The following KIF5A variants were observed in gnomAD, a reference collection of about 807,000 sequenced individuals.
KIF5A encodes kinesin heavy chain isoform 5A.
KIF5A carries 35 observed loss-of-function variants against 141.3 expected under a neutral mutation model. The ratio of observed to expected loss-of-function variants is 0.25; its 90% confidence interval spans 0.19 to 0.33. The LOEUF is 0.33. Among genes scored for constraint, KIF5A ranks in the 10% least tolerant of loss-of-function variants. The pLI is 1.00. For missense variants in KIF5A, 861 were observed against 1,314.3 expected, an observed-to-expected ratio of 0.66 and a Z score of 5.33; for synonymous variants, 448 against 500.2, an observed-to-expected ratio of 0.90 and a Z score of 1.39.
intron 16 of KIF5A, 144 bp downstream of exon 16, chr12:57,575,416 G>C (rs1458545460): frequency 1.9e-6 from 2 of 1,062,952 alleles, no homozygotes; most frequent in Admixed American, 2.0e-5. Context: ...GGGGTGGCAG[G>C]GGTGCAGATC....
intron 22 of KIF5A, 56 bp downstream of exon 22, chr12:57,578,136 T>C: frequency 1.3e-6 from 2 of 1,587,606 alleles, no homozygotes. Flanking sequence ...TATCCTTAGG[T>C]TTCTCCTGCC....
chr12:57,577,537 A>T (rs1430451237), intron 20 of KIF5A, among the ~76,000 whole-genome samples, 176 bp from the exon 21 acceptor site: 1 of 152,196 alleles, frequency 6.6e-6, no homozygotes, highest in Non-Finnish European at 1.5e-5. Flanking sequence ...TTGAGGCTGC[A>T]GTGAGCCCTG....
rs542928732 is a variant in KIF5A at position 57,573,567 on chromosome 12, C to T, written c.1716+841C>T. On this transcript the variant is annotated intron_variant, in intron 15 of 28. Coordinates refer to ENST00000455537, the MANE Select transcript of KIF5A (RefSeq NM_004984.4). ...AAAAGAGGCTGTACATGGTGGCTCA[C>T]GCCTGTAATCCCAGCACTTTGGGAG... Among the ~76,000 whole-genome samples the T allele has an allele frequency of 1.4e-3, 208 of 150,964 alleles. 1 individual carries two copies. The highest frequency in any genetic ancestry group is 2.3e-3 in the Non-Finnish European group (153 of 67,854).
chr12:57,556,200 G>A (rs551770092), intron 1 of KIF5A, among the ~76,000 whole-genome samples: 54 of 151,090 alleles, frequency 3.6e-4, no homozygotes, highest in African/African-American at 1.3e-3. Context: ...GTGCAGTGGC[G>A]CGATCTCGGC....
intron 1 of KIF5A, among the ~76,000 whole-genome samples, chr12:57,551,309 T>C (rs1881565953): frequency 6.6e-6 from 1 of 152,238 alleles, no homozygotes; most frequent in African/African-American, 2.4e-5. Flanking sequence ...ATTTCCATTT[T>C]ACAGATGCAG....
chr12:57,571,979 G>T, intron 13 of KIF5A, 82 bp from the exon 14 acceptor site: 1 of 1,151,378 alleles, frequency 8.7e-7, no homozygotes, highest in Non-Finnish European at 1.3e-6. Context: ...GGGTAGGGTG[G>T]GGGCTCAGCT....
In KIF5A at chr12:57,569,242, C is replaced by T; in HGVS notation, c.820-14C>T. ...TTTGTTTATTTCTGATTCCTGGTCTCCTTCCTCCCCCAGAAAAGCTATGTT... is the reference window on the plus strand; with the variant it reads ...TTTGTTTATTTCTGATTCCTGGTCTTCTTCCTCCCCCAGAAAAGCTATGTT... On this transcript the variant is annotated splice_polypyrimidine_tract_variant and intron_variant, in intron 9 of 28. Coordinates refer to ENST00000455537, the MANE Select transcript of KIF5A (RefSeq NM_004984.4). 6.2e-7 allele frequency: 1 copy of T among 1,613,718 alleles called. No homozygotes were observed. Among genetic ancestry groups the T allele is most frequent in the Non-Finnish European group, 8.5e-7 (1 of 1,179,808 alleles).
chr12:57,559,514 T>A (rs1881847715), intron 1 of KIF5A, among the ~76,000 whole-genome samples: 1 of 152,188 alleles, frequency 6.6e-6, no homozygotes, highest in African/African-American at 2.4e-5. Context: ...CACTATAACA[T>A]CATTTTATGA....
chr12:57,583,298 TC>T, intron 28 of KIF5A, 83 bp downstream of exon 28: 1 of 768,070 alleles, frequency 1.3e-6, no homozygotes, highest in Non-Finnish European at 2.1e-6. Flanking sequence ...TGCTGCTGCT[TC>T]TTTTTTTTTT....
Position 57,586,232 on chromosome 12 carries a change from G to A in KIF5A, c.*2051G>A, listed in dbSNP as rs1294025901. On this transcript the variant is annotated 3_prime_UTR_variant, in exon 29 of 29. Transcript: ENST00000455537. ...TGTCAGCAGGGCACTTAAGAATCCA[G>A]GGGGTTTTATGTAATGTTGCCACCA... 1 of 152,144 alleles carries A rather than the reference G, an allele frequency of 6.6e-6. No homozygotes were observed. The highest frequency in any genetic ancestry group is 1.5e-5 in the Non-Finnish European group (1 of 68,040). 9.4% of individuals were successfully genotyped at this position (152,144 alleles called of 1,614,324 possible). A position where few individuals can be genotyped will look rare whatever the true frequency, so the allele number is the denominator to read the frequency against.
rs780736452 is a variant in KIF5A, at chr12:57,567,525, C to T, written c.621C>T (p.Ser207=). The T allele has an allele frequency of 1.2e-5, 19 of 1,613,396 alleles. No homozygotes were observed. The highest frequency in any genetic ancestry group is 4.2e-6 in the Non-Finnish European group (5 of 1,179,842). ...NMNEHSSRSH[S]IFLINIKQEN... ...ATGAACACAGCTCTCGGAGCCACAG[C>T]ATCTTCCTCATCAACATCAAGCAGG... The change falls in exon 8 of 29, where the codon AGC becomes AGT. Residue 207 remains serine, a synonymous_variant. Coordinates refer to ENST00000455537, the MANE Select transcript of KIF5A (RefSeq NM_004984.4).
chr12:57,553,360 A>G (rs1464238219), intron 1 of KIF5A, among the ~76,000 whole-genome samples: 5 of 152,186 alleles, frequency 3.3e-5, no homozygotes, highest in Non-Finnish European at 7.3e-5. Context: ...AACTAGGACC[A>G]TTGTGTACCT....
rs982180642 is a variant in KIF5A, at chr12:57,550,108, G to A, written c.-164G>A. The A allele has an allele frequency of 8.0e-6, 7 of 879,488 alleles. No individual in the cohort carries two copies. Among genetic ancestry groups the A allele is most frequent in the African/African-American group, 6.7e-5 (4 of 59,960 alleles). 54.5% of individuals were successfully genotyped at this position (879,488 alleles called of 1,614,324 possible). A position where few individuals can be genotyped will look rare whatever the true frequency, so the allele number is the denominator to read the frequency against. On this transcript the variant is annotated 5_prime_UTR_variant, in exon 1 of 29. Coordinates refer to ENST00000455537, the MANE Select transcript of KIF5A (RefSeq NM_004984.4). The surrounding 1 kb of genome is among the most constrained non-coding windows in gnomAD (Gnocchi z 4.6). ...CCCGCTGCCGCAGGAGAGAGACAGCGCGCCCCGGCCCTGCTCCCCAGGCTT... is the reference window on the plus strand; with the variant it reads ...CCCGCTGCCGCAGGAGAGAGACAGCACGCCCCGGCCCTGCTCCCCAGGCTT...
At chr12:57,575,891 G>A (rs769654960) in intron 17 of KIF5A, 134 bp downstream of exon 17, 22 of 904,300 alleles carry the variant, frequency 2.4e-5, no homozygotes, top group Non-Finnish European at 3.9e-5. Flanking sequence ...GTTAGCCAAG[G>A]TTTTGCATGT....
intron 8 of KIF5A, among the ~76,000 whole-genome samples, chr12:57,568,177 G>A (rs987410950): frequency 4.6e-5 from 7 of 151,874 alleles, no homozygotes; most frequent in African/African-American, 7.3e-5. Flanking sequence ...CACTGTGCCC[G>A]GCCGACTCTT....
At chr12:57,578,754 G>T (rs1708446006) in intron 23 of KIF5A, among the ~76,000 whole-genome samples, 1 of 152,158 alleles carries the variant, frequency 6.6e-6, no homozygotes, top group Admixed American at 6.5e-5. Flanking sequence ...TCTGTGGCAG[G>T]CATGCAGGGA....
At position 57,581,567 on chromosome 12, in the gene KIF5A, T is replaced by C; in HGVS notation, c.2908T>C (p.Tyr970His). 1 of 1,613,936 alleles carries C rather than the reference T, an allele frequency of 6.2e-7. No homozygotes were observed. The highest frequency in any genetic ancestry group is 8.5e-7 in the Non-Finnish European group (1 of 1,180,018). The change falls in exon 25 of 29, where the codon TAC (tyrosine) becomes CAC (histidine). Residue 970 changes from tyrosine (Y) to histidine (H), a missense_variant and splice_region_variant. By Grantham distance (83) the Tyr-to-His change is moderately conservative. Transcript: ENST00000455537. ...CACACCCAGCTCCACCTCAGATATG[T>C]AGTGAGTGACCACACGTGTGGGTTG... Reference protein sequence around the residue: ...QATPSSTSDMYFANSCTSSGA... With the variant: ...QATPSSTSDMHFANSCTSSGA...
chr12:57,554,408 A>T (rs912000526), intron 1 of KIF5A, among the ~76,000 whole-genome samples: 1 of 152,234 alleles, frequency 6.6e-6, no homozygotes, highest in African/African-American at 2.4e-5. Flanking sequence ...GTTAGATATT[A>T]TCACTATTTT....
At chr12:57,581,360 C>T in intron 24 of KIF5A, 55 bp from the exon 25 acceptor site, 3 of 1,609,116 alleles carry the variant, frequency 1.9e-6, no homozygotes, top group African/African-American at 1.3e-5. Flanking sequence ...CCTCAGGGAC[C>T]AGGGCAAATG....
Sources: gnomAD v4.1 joint callset for allele counts (sites outside exome capture counted in the v4.1 genomes callset) on GRCh38, gnomAD v4.1.1 for gene constraint, Gnocchi (gnomAD v3.1) non-coding constraint, MANE v1.5 for transcripts, NCBI Gene and HGNC (gene_info 2026-07-23, HGNC 2026-07-21) for gene names.